Variants in RAB27A observed in about 807,000 individuals in gnomAD.
RAB27A encodes the protein ras-related protein Rab-27A.
RAB27A carries 17 observed loss-of-function variants against 20.8 expected under a neutral mutation model. The observed-to-expected ratio is 0.82, with a 90% CI of 0.56 to 1.23. RAB27A has a LOEUF of 1.23. Among genes scored for constraint, RAB27A ranks in the 50% most tolerant of loss-of-function variants. RAB27A has a pLI of 0.00. For missense variants in RAB27A, 277 were observed against 266.7 expected, an observed-to-expected ratio of 1.04 and a Z score of -0.27; for synonymous variants, 85 against 92.8, an observed-to-expected ratio of 0.92 and a Z score of 0.48.
At chr15:55,232,789 G>A (rs577614798) in intron 3 of RAB27A, among the ~76,000 whole-genome samples, 21 of 152,210 alleles carry the variant, frequency 1.4e-4, no homozygotes, top group African/African-American at 2.2e-4. Flanking sequence ...CAGTATAAAC[G>A]TGGTTTTTCT....
At chr15:55,219,754 A>C (rs1895477631) in intron 6 of RAB27A, among the ~76,000 whole-genome samples, 1 of 152,236 alleles carries the variant, frequency 6.6e-6, no homozygotes, top group African/African-American at 2.4e-5. Flanking sequence ...GCAGGAGTGC[A>C]AATTTGAACA....
intron 2 of RAB27A, among the ~76,000 whole-genome samples, chr15:55,253,631 A>G (rs1896977633): frequency 6.6e-6 from 1 of 151,968 alleles, no homozygotes; most frequent in South Asian, 2.1e-4. Flanking sequence ...CAAAGCTCCT[A>G]TTTTCTTAAC....
chr15:55,228,061 A>C (rs1895879231), intron 5 of RAB27A, among the ~76,000 whole-genome samples: 1 of 152,202 alleles, frequency 6.6e-6, no homozygotes, highest in African/African-American at 2.4e-5. Flanking sequence ...ACTGGTGACC[A>C]CTTTTACCAA....
chr15:55,209,187 T>C (rs1376657178), intron 6 of RAB27A, among the ~76,000 whole-genome samples: 3 of 152,206 alleles, frequency 2.0e-5, no homozygotes, highest in African/African-American at 4.8e-5. Flanking sequence ...ATACAATAGA[T>C]TGTTGTAAAC....
In RAB27A at chr15:55,203,859, G is replaced by A. The variant is rs947446731; in HGVS notation, c.*1648C>T. The stretch of plus-strand genomic sequence containing the variant: ...AATATGTAAAATTTTACCAACCATG[G>A]ATAAGTTTGTTATGGGAGTAGTGGA... On this transcript the variant is annotated 3_prime_UTR_variant, in exon 7 of 7. Transcript: ENST00000336787. The A allele has an allele frequency of 1.8e-4, 27 of 151,998 alleles. No homozygotes were observed. Among genetic ancestry groups the A allele is most frequent in the African/African-American group, 5.8e-4 (24 of 41,464 alleles). The allele number at this position is 151,998 out of a possible 1,614,324, so 9.4% of individuals were successfully genotyped here.
chr15:55,307,645 CA>C (rs1345716318), intron 2 of RAB27A, among the ~76,000 whole-genome samples: 1 of 151,624 alleles, frequency 6.6e-6, no homozygotes, highest in Non-Finnish European at 1.5e-5. Context: ...TTCTGTCCTA[CA>C]GGGGAAGGCC....
intron 6 of RAB27A, among the ~76,000 whole-genome samples, chr15:55,218,249 C>A (rs1281170372): frequency 1.3e-5 from 2 of 152,162 alleles, no homozygotes; most frequent in African/African-American, 4.8e-5. Flanking sequence ...AACAACATTT[C>A]CAGGAAATGG....
At chr15:55,215,945 CAAAAAAAA>C (rs1162706734) in intron 6 of RAB27A, among the ~76,000 whole-genome samples, 2 of 52,890 alleles carry the variant, frequency 3.8e-5, no homozygotes, top group Non-Finnish European at 7.5e-5. Context: ...GACGCCGTCT[CAAAAAAAA>C]AAAAAAAAAA....
intron 2 of RAB27A, among the ~76,000 whole-genome samples, chr15:55,307,112 A>G (rs1455324825): frequency 2.0e-5 from 3 of 151,958 alleles, no homozygotes; most frequent in Admixed American, 2.0e-4. Context: ...GGATGTGTCT[A>G]GGGATGGGGA....
upstream of RAB27A, among the ~76,000 whole-genome samples, chr15:55,291,176 T>C (rs1347146422): frequency 6.6e-6 from 1 of 151,806 alleles, no homozygotes; most frequent in Non-Finnish European, 1.5e-5. Flanking sequence ...TCAAGAGCTC[T>C]TCCCGTGTGA....
At chr15:55,241,706 G>A (rs1896500398) in intron 2 of RAB27A, among the ~76,000 whole-genome samples, 1 of 149,218 alleles carries the variant, frequency 6.7e-6, no homozygotes, top group Non-Finnish European at 1.5e-5. Flanking sequence ...TACTTGGGAG[G>A]CTGAGGCAGG....
intron 2 of RAB27A, among the ~76,000 whole-genome samples, chr15:55,253,830 G>C (rs564430156): frequency 1.3e-5 from 2 of 152,058 alleles, no homozygotes; most frequent in South Asian, 2.1e-4. Context: ...CTATGAATCA[G>C]CAAGAGAACA....
At chr15:55,307,095 C>A (rs2055000130) in intron 2 of RAB27A, among the ~76,000 whole-genome samples, 1 of 151,904 alleles carries the variant, frequency 6.6e-6, no homozygotes, top group Non-Finnish European at 1.5e-5. Flanking sequence ...GGGTAGGGTC[C>A]TCCCCAGGAT....
At chr15:55,246,084 TGATATA>T (rs941840710) in intron 2 of RAB27A, among the ~76,000 whole-genome samples, 11 of 151,046 alleles carry the variant, frequency 7.3e-5, no homozygotes, top group African/African-American at 2.4e-4. Context: ...GATATATATA[TGATATA>T]GATATATATA....
At chr15:55,268,521 G>A (rs1433297410) in intron 2 of RAB27A, among the ~76,000 whole-genome samples, 1 of 152,188 alleles carries the variant, frequency 6.6e-6, no homozygotes, top group African/African-American at 2.4e-5. Flanking sequence ...TGGTTAGGCT[G>A]TCCATGTGTC....
chr15:55,315,240 C>T (rs1413944686), intron 1 of RAB27A, among the ~76,000 whole-genome samples: 2 of 152,176 alleles, frequency 1.3e-5, no homozygotes, highest in Non-Finnish European at 2.9e-5. Flanking sequence ...CCCTTCCTTA[C>T]ACCTTATACA....
chr15:55,298,358 G>C (rs1262880398), intron 2 of RAB27A, among the ~76,000 whole-genome samples: 1 of 152,110 alleles, frequency 6.6e-6, no homozygotes, highest in African/African-American at 2.4e-5. Context: ...TGGGCGACCG[G>C]GGGAGACATC....
intron 4 of RAB27A, among the ~76,000 whole-genome samples, chr15:55,229,597 C>T (rs1895951489): frequency 2.0e-5 from 3 of 151,920 alleles, no homozygotes; most frequent in Admixed American, 1.3e-4. Context: ...ATCACTTGAA[C>T]CAGCAAGGTA....
At chr15:55,217,431 T>G (rs1426922721) in intron 6 of RAB27A, among the ~76,000 whole-genome samples, 1 of 151,884 alleles carries the variant, frequency 6.6e-6, no homozygotes, top group African/African-American at 2.4e-5. Flanking sequence ...AGGCCGAGAC[T>G]TGTGCATCAC....
Sources: allele counts gnomAD v4.1 joint callset (sites outside exome capture counted in the v4.1 genomes callset), GRCh38; gene constraint gnomAD v4.1.1; transcripts MANE v1.5; gene names NCBI Gene and HGNC (gene_info 2026-07-23, HGNC 2026-07-21).